SEL1L3: variants seen among roughly 807,000 people sequenced by gnomAD.
The protein encoded by SEL1L3 is SEL1L family member 3, also known as protein sel-1 homolog 3.
Under a neutral mutation model 142.8 loss-of-function variants are expected in SEL1L3, and 76 were observed. The ratio of observed to expected loss-of-function variants is 0.53; its 90% CI spans 0.44 to 0.64. SEL1L3 has a LOEUF of 0.64. SEL1L3 is among the 30% of genes least tolerant of loss of function. The pLI, the probability that SEL1L3 is intolerant of heterozygous loss-of-function variation, is 0.00. For missense variants in SEL1L3, 1,262 were observed against 1,381.7 expected (o/e 0.91, Z 1.37); for synonymous variants, 504 against 519.6 (o/e 0.97, Z 0.41).
At chr4:25,744,348 C>CTTTTTTTTTTT (rs35155388), downstream of SEL1L3, among the ~76,000 whole-genome samples, 6,515 of 101,118 alleles carry the variant, frequency 0.064, 1,036 homozygotes, top group Non-Finnish European at 0.083. Context: ...ATGTGTGAGT[C>CTTTTTTTTTTT]TTTTTTTTTT....
chr4:25,772,656 G>A (rs1577580839), intron 17 of SEL1L3, among the ~76,000 whole-genome samples: 1 of 151,306 alleles, frequency 6.6e-6, no homozygotes, highest in Non-Finnish European at 1.5e-5. Context: ...GAAAAGAGAG[G>A]AAGGAAAAGA....
intron 15 of SEL1L3, 60 bp from the exon 16 acceptor site, chr4:25,779,263 A>T: frequency 6.3e-7 from 1 of 1,599,344 alleles, no homozygotes. Context: ...CGCCAGAGAC[A>T]AGGTGATGAG....
chr4:25,738,584 C>T, the SEL1L3 span, among the ~76,000 whole-genome samples: 68,390 of 151,994 alleles, frequency 0.45, 15,865 homozygotes, highest in East Asian at 0.66. Context: ...TTCAAAGACA[C>T]TCAGGTTGTG....
intron 1 of SEL1L3, among the ~76,000 whole-genome samples, chr4:25,856,115 C>T (rs960852718): frequency 6.6e-6 from 1 of 152,192 alleles, no homozygotes; most frequent in Non-Finnish European, 1.5e-5. Context: ...AACTGCCCTA[C>T]ATTCTAGACC....
chr4:25,791,211 T>C (rs1283443914), intron 11 of SEL1L3, among the ~76,000 whole-genome samples: 4 of 152,252 alleles, frequency 2.6e-5, no homozygotes. Flanking sequence ...CTAACCTCTT[T>C]TATTTCGCAG....
At position 25,822,166 on chromosome 4, in the gene SEL1L3, C is replaced by T. The variant is rs202195268; in HGVS notation, c.1158-38G>A. ...ATGAAGGATTAAGAGAGCTCCATGCCGGAACTAGATGATTTAAAAACAGTC... is the reference window on the plus strand; with the variant it reads ...ATGAAGGATTAAGAGAGCTCCATGCTGGAACTAGATGATTTAAAAACAGTC... On this transcript the variant is annotated intron_variant, in intron 6 of 23. Transcript: ENST00000399878. 4.2e-5 allele frequency: 68 copies of T among 1,611,882 alleles called. No individual in the cohort carries two copies. In the African/African-American group the frequency reaches 7.2e-4, roughly 17 times the overall value.
chr4:25,839,989 T>G (rs1384103221), intron 2 of SEL1L3, among the ~76,000 whole-genome samples: 1 of 152,194 alleles, frequency 6.6e-6, no homozygotes, highest in Non-Finnish European at 1.5e-5. Context: ...TTAAAAAAAG[T>G]ATTCTTTCTA....
At position 25,862,870 on chromosome 4, in the gene SEL1L3, CA is replaced by C; in HGVS notation, c.-35del. On this transcript the variant is annotated 5_prime_UTR_variant, in exon 1 of 24. Coordinates refer to ENST00000399878, the MANE Select transcript of SEL1L3 (RefSeq NM_015187.5). ...CGCCCGGATCCGGGCCGGAACAGGT[CA>C]CCTGGTGCAGGGACCGGCCCCCGCC... 1.9e-6 allele frequency: 2 copies of C among 1,075,210 alleles called. No individual in the cohort carries two copies. Among genetic ancestry groups the C allele is most frequent in the Non-Finnish European group, 2.2e-6 (2 of 889,754 alleles). The allele number at this position is 1,075,210 out of a possible 1,614,324, so 66.6% of individuals were successfully genotyped here. A position where few individuals can be genotyped will look rare whatever the true frequency, so the allele number is the denominator to read the frequency against.
In SEL1L3 at chr4:25,753,984, C is replaced by CATAAATAAATAA. The variant is rs35245204; in HGVS notation, c.3259+3538_3259+3549dup. Among the ~76,000 whole-genome samples the CATAAATAAATAA allele has an allele frequency of 1.0e-3, 148 of 143,538 alleles. 1 individual carries two copies. In the Middle Eastern group the frequency reaches 0.01, roughly 10 times the overall value. 94.2% of individuals were successfully genotyped at this position (143,538 alleles called of 152,430 possible). Reference sequence around the variant, plus strand: ...GGGCGACAGTGAGACTCCGTCTCAACATAAATAAATAAATAAATAAATAAA... The same window carrying CATAAATAAATAA: ...GGGCGACAGTGAGACTCCGTCTCAACATAAATAAATAAATAAATAAATAAATAAATAAATAAA... On this transcript the variant is annotated intron_variant, in intron 23 of 23. Coordinates refer to ENST00000399878, the MANE Select transcript of SEL1L3 (RefSeq NM_015187.5).
the SEL1L3 span, among the ~76,000 whole-genome samples, chr4:25,736,773 A>G: frequency 3.3e-5 from 5 of 151,684 alleles, no homozygotes; most frequent in Admixed American, 6.6e-5. Flanking sequence ...AGGTTTGTCT[A>G]TTTCTTCTCA....
At chr4:25,859,493 G>A (rs373337204) in intron 1 of SEL1L3, among the ~76,000 whole-genome samples, 12 of 152,248 alleles carry the variant, frequency 7.9e-5, no homozygotes, top group Middle Eastern at 3.4e-3. Flanking sequence ...CTATGGAGAC[G>A]GAAGGCACCC....
chr4:25,854,553 C>T lies in SEL1L3; in HGVS notation c.163-6689G>A, dbSNP rs140899303. 8.0e-3 allele frequency among the ~76,000 whole-genome samples: 1,214 copies of T among 152,340 alleles called. 15 individuals carry two copies. Among genetic ancestry groups the T allele is most frequent in the African/African-American group, 0.027 (1,110 of 41,566 alleles). ...TCGGCCTTCCAAAGTGCTGGGATTA[C>T]AGCATGAGCCTACAGCGCCTGGCCA... On this transcript the variant is annotated intron_variant, in intron 1 of 23. Coordinates refer to ENST00000399878, the MANE Select transcript of SEL1L3 (RefSeq NM_015187.5).
At chr4:25,726,191 T>C in the SEL1L3 span, among the ~76,000 whole-genome samples, 1 of 148,816 alleles carries the variant, frequency 6.7e-6, no homozygotes, top group South Asian at 2.1e-4. Context: ...TTGGAATGAA[T>C]AGGGAAGGGG....
intron 2 of SEL1L3, among the ~76,000 whole-genome samples, chr4:25,836,276 T>G (rs548114740): frequency 6.6e-6 from 1 of 152,324 alleles, no homozygotes; most frequent in East Asian, 1.9e-4. Flanking sequence ...TCAACAAGCC[T>G]AAGTATGAAT....
the SEL1L3 span, among the ~76,000 whole-genome samples, chr4:25,736,243 G>GTGTGTGTGT: frequency 8.8e-5 from 13 of 148,384 alleles, no homozygotes; most frequent in South Asian, 2.1e-4. Flanking sequence ...GTGTGTGTGT[G>GTGTGTGTGT]ATGGAGTTTT....
chr4:25,826,258 A>G (rs1230222449), intron 6 of SEL1L3, among the ~76,000 whole-genome samples: 1 of 152,220 alleles, frequency 6.6e-6, no homozygotes, highest in African/African-American at 2.4e-5. Flanking sequence ...GTCACCTGTC[A>G]TGGGATATTA....
At chr4:25,774,428 C>A (rs1719458072) in intron 17 of SEL1L3, among the ~76,000 whole-genome samples, 1 of 152,160 alleles carries the variant, frequency 6.6e-6, no homozygotes. Flanking sequence ...ACCAACCAAC[C>A]AATCAACCAA....
At chr4:25,777,048 A>T (rs965358837) in intron 16 of SEL1L3, among the ~76,000 whole-genome samples, 3 of 152,074 alleles carry the variant, frequency 2.0e-5, no homozygotes, top group African/African-American at 7.2e-5. Context: ...AAAATACAAA[A>T]TTTTAAAAAT....
At chr4:25,781,948 C>A (rs1720030410) in intron 15 of SEL1L3, among the ~76,000 whole-genome samples, 1 of 152,226 alleles carries the variant, frequency 6.6e-6, no homozygotes, top group Admixed American at 6.5e-5. Flanking sequence ...TGCGTCATCT[C>A]CCACTCTTCC....
Sources: gnomAD v4.1 joint callset for allele counts (sites outside exome capture counted in the v4.1 genomes callset) on GRCh38, gnomAD v4.1.1 for gene constraint, MANE v1.5 for transcripts, NCBI Gene and HGNC (gene_info 2026-07-23, HGNC 2026-07-21) for gene names.